CACNA1A: variants seen among roughly 807,000 people sequenced by gnomAD.
The protein encoded by CACNA1A is calcium voltage-gated channel subunit alpha1 A, also known as voltage-dependent P/Q-type calcium channel subunit alpha-1A.
In CACNA1A, 57 loss-of-function variants were observed where a neutral mutation model predicts 262.4. The observed-to-expected ratio is 0.22, with a 90% CI of 0.18 to 0.27. CACNA1A has a LOEUF of 0.27. CACNA1A is among the 10% of genes least tolerant of loss of function. The probability of loss-of-function intolerance (pLI) is 1.00; values close to 1 mark genes in which losing one functional copy is unlikely to be tolerated. For missense variants in CACNA1A, 2,526 were observed against 3,562.8 expected, an observed-to-expected ratio of 0.71 and a Z score of 7.41; for synonymous variants, 1,431 against 1,419.3, an observed-to-expected ratio of 1.01 and a Z score of -0.18.
intron 3 of CACNA1A, among the ~76,000 whole-genome samples, chr19:13,402,341 G>A (rs1371946845): frequency 6.6e-6 from 1 of 152,148 alleles, no homozygotes; most frequent in Non-Finnish European, 1.5e-5. Context: ...GCCAAAGAAT[G>A]TGGGTGAGTA....
intron 31 of CACNA1A, among the ~76,000 whole-genome samples, chr19:13,242,335 C>T (rs534850047): frequency 6.6e-5 from 10 of 152,106 alleles, no homozygotes; most frequent in Non-Finnish European, 1.3e-4. Context: ...ACTCTGTCGC[C>T]CAGGCTGGAG....
At chr19:13,243,609 T>G (rs529700434) in intron 31 of CACNA1A, 3 of 151,848 alleles carry the variant, frequency 2.0e-5, no homozygotes, top group Non-Finnish European at 4.4e-5. Context: ...CAGGCTGGAG[T>G]GCAATGGTAT....
intron 9 of CACNA1A, among the ~76,000 whole-genome samples, chr19:13,331,830 G>GCT (rs2058474487): frequency 6.6e-6 from 1 of 151,424 alleles, no homozygotes; most frequent in South Asian, 2.1e-4. Flanking sequence ...ATCTGGCTAA[G>GCT]TTTATTTTTT....
chr19:13,239,893 G>A (rs1009680971), intron 31 of CACNA1A, among the ~76,000 whole-genome samples: 1 of 152,034 alleles, frequency 6.6e-6, no homozygotes, highest in Non-Finnish European at 1.5e-5. Context: ...GCTCACACCT[G>A]TAATCCCAAC....
intron 37 of CACNA1A, chr19:13,225,457 T>C (rs1349146859): frequency 6.6e-6 from 1 of 152,200 alleles, no homozygotes; most frequent in East Asian, 1.9e-4. Flanking sequence ...CTCTGTGCAA[T>C]GGCAGGGGGA....
At chr19:13,290,079 C>T (rs1295590811) in intron 19 of CACNA1A, among the ~76,000 whole-genome samples, 2 of 151,366 alleles carry the variant, frequency 1.3e-5, no homozygotes, top group Non-Finnish European at 1.5e-5. Flanking sequence ...CAGGCCTGTG[C>T]CACCACACCC....
chr19:13,303,632 G>A lies in CACNA1A; in HGVS notation c.2105-19C>T, dbSNP rs1342079367. On this transcript the variant is annotated intron_variant, in intron 16 of 46. Transcript: ENST00000360228. The stretch of plus-strand genomic sequence containing the variant: ...AGGGTGTCTGCAAATGTCTGAGTCA[G>A]GAAAAGCAACCACTGGTGGGACACC... The A allele has an allele frequency of 1.2e-6, 2 of 1,611,358 alleles. No individual in the cohort carries two copies. The highest frequency in any genetic ancestry group is 1.1e-5 in the South Asian group (1 of 90,892).
chr19:13,298,933 C>A lies in CACNA1A; in HGVS notation c.2700G>T (p.Glu900Asp), dbSNP rs763105498. ...ELSREGPYGR[E>D]SDHHAREGSL... ...TGCCCTCCCGGGCGTGGTGGTCCGA[C>A]TCGCGGCCGTAGGGTCCCTCCCGGC... The change falls in exon 19 of 47, where the codon GAG becomes GAT. Residue 900 changes from glutamate to aspartate, a missense_variant. This residue lies in a region of CACNA1A where 765 missense variants were observed against 748.6 expected (regional missense o/e 1.02). Transcript: ENST00000360228. The A allele has an allele frequency of 6.3e-7, 1 of 1,593,858 alleles. No individual in the cohort carries two copies.
chr19:13,394,691 G>A (rs565801621), intron 3 of CACNA1A, among the ~76,000 whole-genome samples: 8 of 152,218 alleles, frequency 5.3e-5, no homozygotes, highest in African/African-American at 1.9e-4. Context: ...GGAGGTGGGC[G>A]CCTATACCCA....
At chr19:13,294,140 C>A (rs1288433039) in intron 19 of CACNA1A, among the ~76,000 whole-genome samples, 1 of 148,212 alleles carries the variant, frequency 6.7e-6, no homozygotes, top group Non-Finnish European at 1.5e-5. Context: ...TGAGGTCTTG[C>A]TCATCTCTAA....
At chr19:13,386,483 T>C (rs2059616546) in intron 3 of CACNA1A, among the ~76,000 whole-genome samples, 1 of 151,944 alleles carries the variant, frequency 6.6e-6, no homozygotes, top group African/African-American at 2.4e-5. Context: ...GCTGGGTAAG[T>C]ACCTTAGAAC....
At chr19:13,271,212 C>CTTTTTT (rs1568481313) in intron 24 of CACNA1A, 8 of 96,982 alleles carry the variant, frequency 8.2e-5, no homozygotes, top group Non-Finnish European at 1.2e-4. Flanking sequence ...AATCATTCTG[C>CTTTTTT]TGTTTTTTTT....
At chr19:13,275,689 G>T (rs2057129962) in intron 24 of CACNA1A, 161 bp downstream of exon 24, 5 of 648,540 alleles carry the variant, frequency 7.7e-6, no homozygotes, top group South Asian at 1.7e-5. Flanking sequence ...CATGCAAAAA[G>T]CCATCGAAGC....
chr19:13,361,776 C>T (rs1369158582), intron 5 of CACNA1A, among the ~76,000 whole-genome samples: 3 of 152,186 alleles, frequency 2.0e-5, no homozygotes, highest in African/African-American at 7.2e-5. Context: ...TTGATAAATA[C>T]AGGTTGGAAG....
intron 24 of CACNA1A, chr19:13,272,734 A>T (rs921258545): frequency 6.7e-6 from 1 of 148,712 alleles, no homozygotes; most frequent in African/African-American, 2.5e-5. Flanking sequence ...GAAGAGAAAG[A>T]GGGAGAAAGA....
chr19:13,217,927 C>CTTT (rs33920209), intron 38 of CACNA1A, among the ~76,000 whole-genome samples: 1 of 91,524 alleles, frequency 1.1e-5, no homozygotes, highest in African/African-American at 4.4e-5. Context: ...ATAGTTCATT[C>CTTT]TTTTTTTTTT....
intron 3 of CACNA1A, among the ~76,000 whole-genome samples, chr19:13,408,911 C>T (rs1028045296): frequency 6.6e-6 from 1 of 151,960 alleles, no homozygotes. Flanking sequence ...GAGGCAGGGA[C>T]GAGGAAGGAG....
chr19:13,225,007 ACCTG>A (rs1260228262), intron 37 of CACNA1A: 1 of 427,284 alleles, frequency 2.3e-6, no homozygotes, highest in East Asian at 4.0e-5. Flanking sequence ...TTTTTCCCCC[ACCTG>A]CTTGACCTGA....
chr19:13,432,402 G>A (rs902261112), intron 3 of CACNA1A, among the ~76,000 whole-genome samples: 2 of 139,340 alleles, frequency 1.4e-5, no homozygotes, highest in African/African-American at 2.8e-5. Flanking sequence ...GTGACAGAGC[G>A]AGACTCCATC....
Sources: gnomAD v4.1 joint callset for allele counts (sites outside exome capture counted in the v4.1 genomes callset) on GRCh38, gnomAD v4.1.1 for gene constraint, gnomAD v4.1.1 regional missense constraint, MANE v1.5 for transcripts, NCBI Gene and HGNC (gene_info 2026-07-23, HGNC 2026-07-21) for gene names.